Variants in PCDHGA6 observed in about 807,000 individuals in gnomAD.
PCDHGA6 encodes the protein protocadherin gamma subfamily A, 6.
PCDHGA6 carries 41 observed loss-of-function variants against 60.6 expected under a neutral mutation model. The observed-to-expected ratio is 0.68, with a 90% CI of 0.53 to 0.88. PCDHGA6 has a LOEUF of 0.88. Ranked by LOEUF, PCDHGA6 falls within the 40% of genes least tolerant of loss-of-function variation. The pLI is 0.00. For synonymous variants in PCDHGA6, 594 were observed against 524.4 expected (o/e 1.13, Z -1.81); for missense variants, 1,312 against 1,203.0 (o/e 1.09, Z -1.34).
chr5:141,395,547 TGTGTGTGTG>T (rs754815609), intron 1 of PCDHGA6: 25,854 of 174,180 alleles, frequency 0.15, 2,316 homozygotes, highest in South Asian at 0.18. Flanking sequence ...ATTGTTTGTG[TGTGTGTGTG>T]TGTGTGTGTG....
In PCDHGA6 at chr5:141,489,198, C is replaced by G; in HGVS notation, c.2425-5609C>G. 1 of 1,392,402 alleles carries G rather than the reference C, an allele frequency of 7.2e-7. No individual in the cohort carries two copies. Among genetic ancestry groups the G allele is most frequent in the South Asian group, 1.4e-5 (1 of 71,348 alleles). The allele number at this position is 1,392,402 out of a possible 1,614,324, so 86.3% of individuals were successfully genotyped here. A position where few individuals can be genotyped will look rare whatever the true frequency, so the allele number is the denominator to read the frequency against. On this transcript the variant is annotated intron_variant, in intron 1 of 3. Coordinates refer to ENST00000517434, the MANE Select transcript of PCDHGA6 (RefSeq NM_018919.3). This position sits in a 1 kb window ranked among gnomAD's most constrained non-coding sequence, Gnocchi z 4.5. ...CCAAGCCCTGGGTCTACCTTGGAGA[C>G]AGGACAGCACAGACTTACTCTCCAC...
chr5:141,382,401 A>C (rs1778173427), intron 1 of PCDHGA6, among the ~76,000 whole-genome samples: 1 of 152,232 alleles, frequency 6.6e-6, no homozygotes, highest in Non-Finnish European at 1.5e-5. Context: ...TCCCATGTGC[A>C]ATAACGTGTG....
chr5:141,421,833 C>T (rs1364245594), intron 1 of PCDHGA6: 6 of 1,613,756 alleles, frequency 3.7e-6, no homozygotes, highest in Non-Finnish European at 4.2e-6. Flanking sequence ...GAAGCCTGGA[C>T]CGAGAGAAAG....
chr5:141,467,912 G>A (rs879405529), intron 1 of PCDHGA6, among the ~76,000 whole-genome samples: 1 of 152,086 alleles, frequency 6.6e-6, no homozygotes, highest in Admixed American at 6.6e-5. Context: ...GCCCACCTCA[G>A]CCTCCCAAAA....
At position 141,476,387 on chromosome 5, in the gene PCDHGA6, C is replaced by A. The variant is rs147660262; in HGVS notation, c.2425-18420C>A. ...GACCGGAGAGATGTTTGTGAACGAC[C>A]GTCTGGATCGAGAGGAGCTGTGTGG... is the stretch of plus-strand genomic sequence containing the variant. On this transcript the variant is annotated intron_variant, in intron 1 of 3. Transcript: ENST00000517434. The surrounding 1 kb of genome is among the most constrained non-coding windows in gnomAD (Gnocchi z 7.6). 1.2e-6 allele frequency: 2 copies of A among 1,614,076 alleles called. No individual in the cohort carries two copies. Among genetic ancestry groups the A allele is most frequent in the Non-Finnish European group, 8.5e-7 (1 of 1,180,024 alleles).
chr5:141,374,475 C>A lies in PCDHGA6; in HGVS notation c.392C>A (p.Pro131His). 1 of 1,612,136 alleles carries A rather than the reference C, an allele frequency of 6.2e-7. No homozygotes were observed. The highest frequency in any genetic ancestry group is 8.5e-7 in the Non-Finnish European group (1 of 1,178,346). Reference sequence around the variant, plus strand: ...ATAGTGGACATTAATGACAATACACCCCGATTCTTAAAGGAAGAATTGGAA... The same window carrying A: ...ATAGTGGACATTAATGACAATACACACCGATTCTTAAAGGAAGAATTGGAA... ...VEIVDINDNT[P>H]RFLKEELEVK... Residue 131 changes from proline (P) to histidine (H), a missense_variant, in exon 1 of 4, where the codon CCC becomes CAC. Physicochemically the swap from Pro to His is moderately conservative, Grantham distance 77. Coordinates refer to ENST00000517434, the MANE Select transcript of PCDHGA6 (RefSeq NM_018919.3).
At chr5:141,392,131 T>C (rs1434001990) in intron 1 of PCDHGA6, 2 of 152,204 alleles carry the variant, frequency 1.3e-5, no homozygotes, top group African/African-American at 4.8e-5. Flanking sequence ...TGTAAAATGA[T>C]TAAGTAGTTT....
At position 141,431,914 on chromosome 5, in the gene PCDHGA6, C is replaced by A. The variant is rs745837291; in HGVS notation, c.2424+55407C>A. 6.2e-7 allele frequency: 1 copy of A among 1,613,912 alleles called. No individual in the cohort carries two copies. Among genetic ancestry groups the A allele is most frequent in the African/African-American group, 1.3e-5 (1 of 75,070 alleles). On this transcript the variant is annotated intron_variant, in intron 1 of 3. Transcript: ENST00000517434. The surrounding 1 kb of genome is among the most constrained non-coding windows in gnomAD (Gnocchi z 4.8). ...AGGAAAACGGACAGGTGATCTGTTT[C>A]ATCCAAGGAAATCTGCCCTTTAAAT...
intron 1 of PCDHGA6, among the ~76,000 whole-genome samples, chr5:141,473,390 A>T (rs554428702): frequency 1.3e-5 from 2 of 152,190 alleles, no homozygotes; most frequent in Non-Finnish European, 2.9e-5. Flanking sequence ...GCCCTCCTGG[A>T]GCTTCTTTTT....
In PCDHGA6 at chr5:141,487,120, T is replaced by C. The variant is rs1342042604; in HGVS notation, c.2425-7687T>C. 1.9e-6 allele frequency: 3 copies of C among 1,613,948 alleles called. No homozygotes were observed. Among genetic ancestry groups the C allele is most frequent in the Admixed American group, 1.7e-5 (1 of 60,028 alleles). ...AGAAGCTGGTCATTGTGGTAAAGGA[T>C]AGTGGTAGTCCACCACTCTCTACCT... On this transcript the variant is annotated intron_variant, in intron 1 of 3. Coordinates refer to ENST00000517434, the MANE Select transcript of PCDHGA6 (RefSeq NM_018919.3). The surrounding 1 kb of genome is among the most constrained non-coding windows in gnomAD (Gnocchi z 5.0).
At position 141,487,510 on chromosome 5, in the gene PCDHGA6, C is replaced by A; in HGVS notation, c.2425-7297C>A. On this transcript the variant is annotated intron_variant, in intron 1 of 3. Transcript: ENST00000517434. The surrounding 1 kb of genome is among the most constrained non-coding windows in gnomAD (Gnocchi z 5.0). ...GCTGTACACCCTTGGCTTCTGCACC[C>A]ACTCGGAGTGATAGCTTCATGATGG... is the stretch of plus-strand genomic sequence containing the variant. The A allele has an allele frequency of 6.2e-7, 1 of 1,614,210 alleles. No homozygotes were observed. Among genetic ancestry groups the A allele is most frequent in the Non-Finnish European group, 8.5e-7 (1 of 1,180,042 alleles).
At chr5:141,425,379 G>A (rs1330938768) in intron 1 of PCDHGA6, among the ~76,000 whole-genome samples, 7 of 152,152 alleles carry the variant, frequency 4.6e-5, no homozygotes, top group African/African-American at 4.8e-5. Context: ...ATGTTGATTC[G>A]GAGGTAGTGA....
Position 141,385,136 on chromosome 5 carries a change from T to C in PCDHGA6, c.2424+8629T>C, listed in dbSNP as rs760226388. The C allele has an allele frequency of 1.2e-6, 2 of 1,614,180 alleles. No individual in the cohort carries two copies. Among genetic ancestry groups the C allele is most frequent in the Middle Eastern group, 1.6e-4 (1 of 6,062 alleles). ...TCGCACTTTGTGGGCATGGACGGGG[T>C]GCAGGCTTTCCTGCAGACCTATTCC... On this transcript the variant is annotated intron_variant, in intron 1 of 3. Transcript: ENST00000517434.
intron 1 of PCDHGA6, among the ~76,000 whole-genome samples, chr5:141,494,568 C>T (rs2099755322): frequency 6.6e-6 from 1 of 152,138 alleles, no homozygotes; most frequent in African/African-American, 2.4e-5. Context: ...GGAAAGGAGT[C>T]TCAGCTTGCT....
At chr5:141,385,096 G>C (rs746092295) in intron 1 of PCDHGA6, 2 of 1,614,072 alleles carry the variant, frequency 1.2e-6, no homozygotes, top group South Asian at 2.2e-5. Context: ...AGGTGGCTTG[G>C]CGAACGTGCC....
Position 141,490,637 on chromosome 5 carries a change from A to C in PCDHGA6, c.2425-4170A>C. ...CTTTACACTGCTTACATCCTAGAAA[A>C]CCGGCCTCCGGGCTCCCTTCTTTGC... is the stretch of plus-strand genomic sequence containing the variant. On this transcript the variant is annotated intron_variant, in intron 1 of 3. Coordinates refer to ENST00000517434, the MANE Select transcript of PCDHGA6 (RefSeq NM_018919.3). This position sits in a 1 kb window ranked among gnomAD's most constrained non-coding sequence, Gnocchi z 5.4. 1 of 1,614,108 alleles carries C rather than the reference A, an allele frequency of 6.2e-7. No individual in the cohort carries two copies. Among genetic ancestry groups the C allele is most frequent in the Non-Finnish European group, 8.5e-7 (1 of 1,179,992 alleles).
intron 1 of PCDHGA6, among the ~76,000 whole-genome samples, chr5:141,483,526 G>A (rs2099582495): frequency 6.6e-6 from 1 of 152,118 alleles, no homozygotes; most frequent in African/African-American, 2.4e-5. Flanking sequence ...TCCTGACTAA[G>A]GAAGCTGGGT....
At chr5:141,492,244 C>T (rs1334647731) in intron 1 of PCDHGA6, among the ~76,000 whole-genome samples, 1 of 152,198 alleles carries the variant, frequency 6.6e-6, no homozygotes, top group Admixed American at 6.5e-5. Flanking sequence ...TGGCCACCCC[C>T]ACGGCCCACA....
Position 141,486,638 on chromosome 5 carries a change from C to T in PCDHGA6, c.2425-8169C>T, listed in dbSNP as rs753730551. 5.6e-6 allele frequency: 9 copies of T among 1,613,700 alleles called. No homozygotes were observed. In the East Asian group the frequency reaches 8.9e-5, roughly 16 times the overall value. On this transcript the variant is annotated intron_variant, in intron 1 of 3. Coordinates refer to ENST00000517434, the MANE Select transcript of PCDHGA6 (RefSeq NM_018919.3). This position sits in a 1 kb window ranked among gnomAD's most constrained non-coding sequence, Gnocchi z 5.0. The stretch of plus-strand genomic sequence containing the variant: ...TGACCCAGACTCTGGCTTGAATGCG[C>T]TTATCTCCTACTCACTCCTGGAGCC...
Sources: gnomAD v4.1 joint callset for allele counts (sites outside exome capture counted in the v4.1 genomes callset) on GRCh38, gnomAD v4.1.1 for gene constraint, Gnocchi (gnomAD v3.1) non-coding constraint, MANE v1.5 for transcripts, NCBI Gene and HGNC (gene_info 2026-07-23, HGNC 2026-07-21) for gene names.